GNAT1: variants seen among roughly 807,000 people sequenced by gnomAD.
The protein encoded by GNAT1 is guanine nucleotide-binding protein G(t) subunit alpha-1.
In GNAT1, 36 loss-of-function variants were observed where a neutral mutation model predicts 40.0. That is an observed-to-expected ratio of 0.90 (90% CI 0.69 to 1.19). The LOEUF is 1.19. Ranked by LOEUF, GNAT1 falls within the 50% of genes most tolerant of loss-of-function variation. GNAT1 has a pLI of 0.00. For synonymous variants in GNAT1, 195 were observed against 192.9 expected (o/e 1.01, Z -0.09); for missense variants, 413 against 480.6 (o/e 0.86, Z 1.32).
Position 50,193,283 on chromosome 3 carries a change from G to C in GNAT1, c.168G>C (p.Gly56=), listed in dbSNP as rs747846195. 1.4e-5 allele frequency: 22 copies of C among 1,614,078 alleles called. No homozygotes were observed. The highest frequency in any genetic ancestry group is 1.9e-5 in the Non-Finnish European group (22 of 1,180,028). The change falls in exon 3 of 9, where the codon GGG becomes GGC. Residue 56 remains glycine (G), a synonymous_variant. Coordinates refer to ENST00000232461, the MANE Select transcript of GNAT1 (RefSeq NM_144499.3). The surrounding 1 kb of genome is among the most constrained non-coding windows in gnomAD (Gnocchi z 8.1). ...GCCTCAGGATTATCCACCAGGACGG[G>C]TACTCGCTGGAAGAGTGCCTCGAGT... ...VKQMKIIHQD[G]YSLEECLEFI...
chr3:50,191,870 T>A lies in GNAT1; in HGVS notation c.106+39T>A, dbSNP rs781454013. Reference sequence around the variant, plus strand: ...CCCAGGTGGGGCCACTGCCACCAGGTCATTGGTCTGGAGGCAGGCAGGCAG... The same window carrying A: ...CCCAGGTGGGGCCACTGCCACCAGGACATTGGTCTGGAGGCAGGCAGGCAG... On this transcript the variant is annotated intron_variant, in intron 1 of 8. Coordinates refer to ENST00000232461, the MANE Select transcript of GNAT1 (RefSeq NM_144499.3). The A allele has an allele frequency of 3.8e-6, 5 of 1,325,852 alleles. No individual in the cohort carries two copies. In the Admixed American group the frequency reaches 6.8e-5, roughly 18 times the overall value. The allele number at this position is 1,325,852 out of a possible 1,614,324, so 82.1% of individuals were successfully genotyped here. A position where few individuals can be genotyped will look rare whatever the true frequency, so the allele number is the denominator to read the frequency against.
rs1369780115 is a variant in GNAT1, at chr3:50,193,601, C to T, written c.387C>T (p.Asp129=). 1 of 1,612,894 alleles carries T rather than the reference C, an allele frequency of 6.2e-7. No homozygotes were observed. The highest frequency in any genetic ancestry group is 1.1e-5 in the South Asian group (1 of 91,086). The change falls in exon 4 of 9, where the codon GAC becomes GAT. Residue 129 remains aspartate, a synonymous_variant. Coordinates refer to ENST00000232461, the MANE Select transcript of GNAT1 (RefSeq NM_144499.3). This position sits in a 1 kb window ranked among gnomAD's most constrained non-coding sequence, Gnocchi z 8.1. The stretch of plus-strand genomic sequence containing the variant: ...ACATCATCCAGCGGCTGTGGAAGGA[C>T]TCCGGTATCCAGGCCTGTTTTGAGC... ...MSDIIQRLWK[D]SGIQACFERA...
At position 50,193,234 on chromosome 3, in the gene GNAT1, G is replaced by A. The variant is rs758300344; in HGVS notation, c.150-31G>A. The A allele has an allele frequency of 1.2e-6, 2 of 1,614,128 alleles. No individual in the cohort carries two copies. Among genetic ancestry groups the A allele is most frequent in the South Asian group, 2.2e-5 (2 of 91,080 alleles). ...TCTGGGTCCTTCCCCACTTCCCCAC[G>A]AGGCGCTGATTCTGCTCTCCTCGGC... is the stretch of plus-strand genomic sequence containing the variant. On this transcript the variant is annotated intron_variant, in intron 2 of 8. Transcript: ENST00000232461. The surrounding 1 kb of genome is among the most constrained non-coding windows in gnomAD (Gnocchi z 8.1).
rs567554388 is a variant in GNAT1, at chr3:50,194,884, G to C, written c.982G>C (p.Val328Leu). ...HMTCATDTQN[V>L]KFVFDAVTDI... ...GACGTGCGCCACCGACACGCAGAAC[G>C]TCAAATTTGTCTTCGACGCTGTCAC... The change falls in exon 8 of 9, where the codon GTC becomes CTC. Residue 328 changes from valine (V) to leucine (L), a missense_variant. Transcript: ENST00000232461. The surrounding 1 kb of genome is among the most constrained non-coding windows in gnomAD (Gnocchi z 6.1). 6.2e-7 allele frequency: 1 copy of C among 1,613,926 alleles called. No individual in the cohort carries two copies. Among genetic ancestry groups the C allele is most frequent in the South Asian group, 1.1e-5 (1 of 91,066 alleles).
At chr3:50,191,890 A>G (rs1218557702) in intron 1 of GNAT1, 59 bp downstream of exon 1, 15 of 1,095,494 alleles carry the variant, frequency 1.4e-5, no homozygotes, top group African/African-American at 1.1e-4. Context: ...GGAGGCAGGC[A>G]GGCAGCCCTT....
Position 50,194,294 on chromosome 3 carries a change from C to A in GNAT1, c.708+73C>A. 2 of 1,519,360 alleles carry A rather than the reference C, an allele frequency of 1.3e-6. No individual in the cohort carries two copies. Among genetic ancestry groups the A allele is most frequent in the Non-Finnish European group, 1.8e-6 (2 of 1,120,178 alleles). The allele number at this position is 1,519,360 out of a possible 1,614,324, so 94.1% of individuals were successfully genotyped here. ...CTGGTCCCTGGAGGCGGAGACCGCG[C>A]GCTGGGCTGGGGGAGGGCACGGGAG... On this transcript the variant is annotated intron_variant, in intron 6 of 8. Coordinates refer to ENST00000232461, the MANE Select transcript of GNAT1 (RefSeq NM_144499.3). The surrounding 1 kb of genome is among the most constrained non-coding windows in gnomAD (Gnocchi z 6.1).
In GNAT1 at chr3:50,193,453, G is replaced by C. The variant is rs1341044716; in HGVS notation, c.291+47G>C. On this transcript the variant is annotated intron_variant, in intron 3 of 8. Transcript: ENST00000232461. The surrounding 1 kb of genome is among the most constrained non-coding windows in gnomAD (Gnocchi z 8.1). ...GCGGGCCTCTGGGGACTCGAGGCTC[G>C]CGGCTGGGCCCGAGTCCCTGGCCGC... 6.2e-7 allele frequency: 1 copy of C among 1,609,538 alleles called. No individual in the cohort carries two copies. The highest frequency in any genetic ancestry group is 8.5e-7 in the Non-Finnish European group (1 of 1,178,834).
rs2109138833 is a variant in GNAT1, at chr3:50,193,627, G to A, written c.413G>A (p.Arg138His). 3 of 1,612,400 alleles carry A rather than the reference G, an allele frequency of 1.9e-6. No homozygotes were observed. The highest frequency in any genetic ancestry group is 4.5e-5 in the East Asian group (2 of 44,876). Reference sequence around the variant, plus strand: ...TCCGGTATCCAGGCCTGTTTTGAGCGCGCCTCGGAGTACCAGCTCAACGAC... The same window carrying A: ...TCCGGTATCCAGGCCTGTTTTGAGCACGCCTCGGAGTACCAGCTCAACGAC... ...KDSGIQACFE[R>H]ASEYQLNDSA... Residue 138 changes from arginine (R) to histidine (H), a missense_variant, in exon 4 of 9, where the codon CGC becomes CAC. Transcript: ENST00000232461. The surrounding 1 kb of genome is among the most constrained non-coding windows in gnomAD (Gnocchi z 8.1).
Position 50,193,183 on chromosome 3 carries a change from C to A in GNAT1, c.149+8C>A, listed in dbSNP as rs1699440055. Reference sequence around the variant, plus strand: ...CATCGTCAAGCAGATGAAGTGAGTGCCCCTGCCTGTCCCGAGGCCCCTGGG... The same window carrying A: ...CATCGTCAAGCAGATGAAGTGAGTGACCCTGCCTGTCCCGAGGCCCCTGGG... On this transcript the variant is annotated splice_region_variant and intron_variant, in intron 2 of 8. Coordinates refer to ENST00000232461, the MANE Select transcript of GNAT1 (RefSeq NM_144499.3). This position sits in a 1 kb window ranked among gnomAD's most constrained non-coding sequence, Gnocchi z 8.1. 2 of 1,613,906 alleles carry A rather than the reference C, an allele frequency of 1.2e-6. No individual in the cohort carries two copies. Among genetic ancestry groups the A allele is most frequent in the Non-Finnish European group, 1.7e-6 (2 of 1,179,842 alleles).
In GNAT1 at chr3:50,194,760, C is replaced by T. The variant is rs770090555; in HGVS notation, c.863-5C>T. On this transcript the variant is annotated splice_polypyrimidine_tract_variant and splice_region_variant and intron_variant, in intron 7 of 8. Coordinates refer to ENST00000232461, the MANE Select transcript of GNAT1 (RefSeq NM_144499.3). The surrounding 1 kb of genome is among the most constrained non-coding windows in gnomAD (Gnocchi z 6.1). ...TGAGCAGAGTGAGAGCTCCCGCCCC[C>T]GCAGGACCCAACACCTACGAGGACG... The T allele has an allele frequency of 4.3e-6, 7 of 1,613,586 alleles. No homozygotes were observed. In the Admixed American group the frequency reaches 1.0e-4, roughly 23 times the overall value.
In GNAT1 at chr3:50,193,534, C is replaced by T. The variant is rs752906907; in HGVS notation, c.320C>T (p.Ala107Val). The T allele has an allele frequency of 1.6e-5, 26 of 1,613,264 alleles. No homozygotes were observed. Among genetic ancestry groups the T allele is most frequent in the Non-Finnish European group, 2.1e-5 (25 of 1,179,888 alleles). The change falls in exon 4 of 9, where the codon GCA (alanine) becomes GTA (valine). Residue 107 changes from alanine to valine, a missense_variant. Ala to Val is a moderately conservative substitution (Grantham distance 64). Transcript: ENST00000232461. The surrounding 1 kb of genome is among the most constrained non-coding windows in gnomAD (Gnocchi z 8.1). ...QDDARKLMHM[A>V]DTIEEGTMPK... The stretch of plus-strand genomic sequence containing the variant: ...GACGCCCGGAAGCTGATGCACATGG[C>T]AGACACTATCGAGGAGGGCACGATG...
chr3:50,194,759 C>G lies in GNAT1; in HGVS notation c.863-6C>G. 6.2e-7 allele frequency: 1 copy of G among 1,613,546 alleles called. No individual in the cohort carries two copies. Among genetic ancestry groups the G allele is most frequent in the South Asian group, 1.1e-5 (1 of 91,082 alleles). On this transcript the variant is annotated splice_polypyrimidine_tract_variant and splice_region_variant and intron_variant, in intron 7 of 8. Coordinates refer to ENST00000232461, the MANE Select transcript of GNAT1 (RefSeq NM_144499.3). The surrounding 1 kb of genome is among the most constrained non-coding windows in gnomAD (Gnocchi z 6.1). Reference sequence around the variant, plus strand: ...CTGAGCAGAGTGAGAGCTCCCGCCCCCGCAGGACCCAACACCTACGAGGAC... The same window carrying G: ...CTGAGCAGAGTGAGAGCTCCCGCCCGCGCAGGACCCAACACCTACGAGGAC...
intron 1 of GNAT1, 57 bp downstream of exon 1, chr3:50,191,888 G>T: frequency 9.0e-7 from 1 of 1,110,538 alleles, no homozygotes; most frequent in Non-Finnish European, 1.4e-6. Flanking sequence ...CTGGAGGCAG[G>T]CAGGCAGCCC....
At position 50,194,365 on chromosome 3, in the gene GNAT1, C is replaced by A; in HGVS notation, c.709-136C>A. 7.2e-7 allele frequency: 1 copy of A among 1,381,866 alleles called. No homozygotes were observed. The highest frequency in any genetic ancestry group is 1.0e-6 in the Non-Finnish European group (1 of 998,146). The allele number at this position is 1,381,866 out of a possible 1,614,324, so 85.6% of individuals were successfully genotyped here. ...CCTGAGGAGGCCCGGAGGCGTTCAG[C>A]AGGCCCATCTGGGGCAGTGCGGGGA... On this transcript the variant is annotated intron_variant, in intron 6 of 8. Coordinates refer to ENST00000232461, the MANE Select transcript of GNAT1 (RefSeq NM_144499.3). This position sits in a 1 kb window ranked among gnomAD's most constrained non-coding sequence, Gnocchi z 6.1.
chr3:50,192,643 A>G lies in GNAT1; in HGVS notation c.107-490A>G, dbSNP rs546997370. The stretch of plus-strand genomic sequence containing the variant: ...CGCCCTCGCAGGGGCAAGCTCAGAA[A>G]GGATGTCAACTCTGCCCTCCCTCCT... On this transcript the variant is annotated intron_variant, in intron 1 of 8. Transcript: ENST00000232461. 2.1e-5 allele frequency: 5 copies of G among 234,530 alleles called. No individual in the cohort carries two copies. The South Asian group carries it at 2.7e-4, about 13-fold the overall frequency. The allele number at this position is 234,530 out of a possible 1,614,324, so 14.5% of individuals were successfully genotyped here. A position where few individuals can be genotyped will look rare whatever the true frequency, so the allele number is the denominator to read the frequency against.
chr3:50,195,494 G>A lies in GNAT1; in HGVS notation c.*228G>A, dbSNP rs1007125518. The A allele has an allele frequency of 3.9e-5, 7 of 177,558 alleles. No homozygotes were observed. Among genetic ancestry groups the A allele is most frequent in the East Asian group, 1.4e-4 (1 of 7,000 alleles). 11.0% of individuals were successfully genotyped at this position (177,558 alleles called of 1,614,324 possible). ...CCCCAAGCCCTGCCCTTCACCGCCC[G>A]GCTGCACTGGCCTCTAGGACTCACA... is the stretch of plus-strand genomic sequence containing the variant. On this transcript the variant is annotated 3_prime_UTR_variant, in exon 9 of 9. Transcript: ENST00000232461.
Position 50,191,810 on chromosome 3 carries a change from AC to A in GNAT1, c.87del (p.Val30Ter). 6.2e-7 allele frequency: 1 copy of A among 1,613,108 alleles called. No homozygotes were observed. Among genetic ancestry groups the A allele is most frequent in the Non-Finnish European group, 8.5e-7 (1 of 1,179,084 alleles). On this transcript the variant is annotated frameshift_variant, in exon 1 of 9. Coordinates refer to ENST00000232461, the MANE Select transcript of GNAT1 (RefSeq NM_144499.3). LOFTEE classifies it high-confidence loss of function. ...AGAGGACGCTGAGAAGGATGCTCGA[AC>A]CGTGAAGCTGCTGCTTCTGGGTAGG... The part of the protein sequence containing the change: ...LKEDAEKDAR[T>X]VKLLLLGAGE...
In GNAT1 at chr3:50,195,414, A is replaced by G. The variant is rs1699485896; in HGVS notation, c.*148A>G. On this transcript the variant is annotated 3_prime_UTR_variant, in exon 9 of 9. Transcript: ENST00000232461. ...AAAGCTCTGAGCCCTGCTAGCCTTGAGGCGCGGACCCTCCCCCATACCTCC... is the reference window on the plus strand; with the variant it reads ...AAAGCTCTGAGCCCTGCTAGCCTTGGGGCGCGGACCCTCCCCCATACCTCC... 8.4e-6 allele frequency: 2 copies of G among 238,016 alleles called. No homozygotes were observed. Among genetic ancestry groups the G allele is most frequent in the Non-Finnish European group, 1.7e-5 (2 of 118,600 alleles). The allele number at this position is 238,016 out of a possible 1,614,324, so 14.7% of individuals were successfully genotyped here.
rs1201188495 is a variant in GNAT1 at position 50,194,696 on chromosome 3, C to A, written c.862+42C>A. The A allele has an allele frequency of 5.0e-6, 8 of 1,610,082 alleles. No individual in the cohort carries two copies. In the East Asian group the frequency reaches 1.8e-4, roughly 36 times the overall value. On this transcript the variant is annotated intron_variant, in intron 7 of 8. Coordinates refer to ENST00000232461, the MANE Select transcript of GNAT1 (RefSeq NM_144499.3). The surrounding 1 kb of genome is among the most constrained non-coding windows in gnomAD (Gnocchi z 6.1). Reference sequence around the variant, plus strand: ...GCCGCCAGGCGGCGCCCCCGCCCCACGATCGCGGCGCGCACCCCCCGCACG... The same window carrying A: ...GCCGCCAGGCGGCGCCCCCGCCCCAAGATCGCGGCGCGCACCCCCCGCACG...
Sources: gnomAD v4.1 joint callset for allele counts on GRCh38, gnomAD v4.1.1 for gene constraint, Gnocchi (gnomAD v3.1) non-coding constraint, MANE v1.5 for transcripts, NCBI Gene and HGNC (gene_info 2026-07-23, HGNC 2026-07-21) for gene names.